Variants in LYPD8 observed in about 807,000 individuals in gnomAD.
The protein encoded by LYPD8 is LY6/PLAUR domain containing 8.
Under a neutral mutation model 1.7 loss-of-function variants are expected in LYPD8, and 8 were observed. That is an observed-to-expected ratio of 4.58 (90% CI 2.69 to 8.27). LYPD8 has a LOEUF of 8.27. LYPD8 is among the 30% of genes most tolerant of loss of function. The pLI, the probability that LYPD8 is intolerant of heterozygous loss-of-function variation, is 0.00. For missense variants in LYPD8, 112 were observed against 102.3 expected (o/e 1.09, Z -0.41); for synonymous variants, 50 against 43.6 (o/e 1.15, Z -0.58).
At chr1:248,751,192 C>T in intron 2 of LYPD8, 62 bp from the exon 3 acceptor site, 1 of 397,676 alleles carries the variant, frequency 2.5e-6, no homozygotes, top group South Asian at 1.3e-4. Context: ...TCCCCTGGGG[C>T]TTTTAATCGC....
At chr1:248,740,922 A>T (rs1302969050) in intron 6 of LYPD8, among the ~76,000 whole-genome samples, 2 of 152,236 alleles carry the variant, frequency 1.3e-5, no homozygotes, top group Admixed American at 6.5e-5. Flanking sequence ...TGAGGCCAGG[A>T]GTTTGAGACC....
chr1:248,744,124 T>C (rs997220097), intron 6 of LYPD8, among the ~76,000 whole-genome samples: 1 of 152,214 alleles, frequency 6.6e-6, no homozygotes, highest in Non-Finnish European at 1.5e-5. Context: ...GATCACAAGG[T>C]TTGAGAACTA....
intron 2 of LYPD8, among the ~76,000 whole-genome samples, chr1:248,753,012 TAC>T (rs1662843888): frequency 7.8e-5 from 2 of 25,480 alleles, no homozygotes; most frequent in East Asian, 1.4e-3. Context: ...CACCACATCA[TAC>T]ACACACCACA....
intron 2 of LYPD8, among the ~76,000 whole-genome samples, chr1:248,753,123 A>ACC (rs1662850322): frequency 1.4e-5 from 1 of 70,644 alleles, no homozygotes; most frequent in Non-Finnish European, 3.1e-5. Flanking sequence ...CAACACACAC[A>ACC]ACACAACACA....
intron 2 of LYPD8, among the ~76,000 whole-genome samples, chr1:248,753,069 C>CACATCA (rs1662847181): frequency 1.1e-5 from 1 of 93,090 alleles, no homozygotes; most frequent in South Asian, 4.0e-4. Flanking sequence ...CCCACACACC[C>CACATCA]CACACACCCC....
chr1:248,741,609 C>T (rs2103165624), intron 6 of LYPD8, among the ~76,000 whole-genome samples: 1 of 152,342 alleles, frequency 6.6e-6, no homozygotes, highest in South Asian at 2.1e-4. Flanking sequence ...AATACCCCTA[C>T]ATTTATGATA....
chr1:248,744,021 A>G (rs1662674946), intron 6 of LYPD8, among the ~76,000 whole-genome samples: 2 of 152,244 alleles, frequency 1.3e-5, no homozygotes, highest in African/African-American at 4.8e-5. Context: ...AATTTCTAAG[A>G]CAGTGTATAC....
chr1:248,751,569 G>C (rs1041080532), intron 2 of LYPD8, among the ~76,000 whole-genome samples: 2 of 152,062 alleles, frequency 1.3e-5, no homozygotes, highest in African/African-American at 4.8e-5. Flanking sequence ...CACCACCACC[G>C]CAATAGGCAG....
At chr1:248,752,638 CCACACAA>C (rs1488998207) in intron 2 of LYPD8, among the ~76,000 whole-genome samples, 2 of 74,816 alleles carry the variant, frequency 2.7e-5, no homozygotes, top group African/African-American at 7.5e-5. Context: ...ACCACACACC[CCACACAA>C]CACACAACAC....
chr1:248,754,727 C>T (rs1662895227), intron 2 of LYPD8, among the ~76,000 whole-genome samples: 1 of 152,138 alleles, frequency 6.6e-6, no homozygotes, highest in East Asian at 1.9e-4. Flanking sequence ...GAGGCCCATA[C>T]ATGATGCCAA....
chr1:248,751,988 A>T (rs1392821701), intron 2 of LYPD8, among the ~76,000 whole-genome samples: 2 of 152,142 alleles, frequency 1.3e-5, no homozygotes, highest in African/African-American at 4.8e-5. Flanking sequence ...GAACTTCCAG[A>T]ATTCCAACTT....
In LYPD8 at chr1:248,751,070, G is replaced by GA. The variant is rs1379765098; in HGVS notation, c.11dup (p.Leu5ProfsTer22). The GA allele has an allele frequency of 5.0e-6, 2 of 398,522 alleles. No individual in the cohort carries two copies. Among genetic ancestry groups the GA allele is most frequent in the Non-Finnish European group, 8.8e-6 (2 of 226,068 alleles). The allele number at this position is 398,522 out of a possible 1,614,324, so 24.7% of individuals were successfully genotyped here. The stretch of plus-strand genomic sequence containing the variant: ...GCACTGCAGTGATACCAGCAACGAG[G>GA]ATGCCCTTCATGGTGCTGGAGCTGA... On this transcript the variant is annotated frameshift_variant, in exon 3 of 7. Coordinates refer to ENST00000590317, the MANE Select transcript of LYPD8 (RefSeq NM_001085474.2). LOFTEE classifies it high-confidence loss of function.
intron 4 of LYPD8, among the ~76,000 whole-genome samples, chr1:248,750,024 C>T (rs1662771822): frequency 6.6e-6 from 1 of 151,754 alleles, no homozygotes; most frequent in Non-Finnish European, 1.5e-5. Context: ...CTACTTTAAA[C>T]ATACATGAAG....
At chr1:248,749,252 A>C (rs2103170806) in intron 4 of LYPD8, among the ~76,000 whole-genome samples, 1 of 152,364 alleles carries the variant, frequency 6.6e-6, no homozygotes, top group Non-Finnish European at 1.5e-5. Context: ...CCTAACAGCA[A>C]AATGGGGGAT....
intron 2 of LYPD8, among the ~76,000 whole-genome samples, chr1:248,751,676 A>G (rs1662804807): frequency 6.6e-6 from 1 of 152,162 alleles, no homozygotes; most frequent in Admixed American, 6.5e-5. Context: ...TTAGCATCCT[A>G]AGAAAAATCA....
intron 2 of LYPD8, among the ~76,000 whole-genome samples, chr1:248,753,891 C>A (rs1474730273): frequency 2.0e-5 from 3 of 150,038 alleles, no homozygotes; most frequent in African/African-American, 7.4e-5. Context: ...ACACACACAC[C>A]ACACATCACA....
chr1:248,749,870 T>C (rs1662767803), intron 4 of LYPD8, among the ~76,000 whole-genome samples: 1 of 152,080 alleles, frequency 6.6e-6, no homozygotes, highest in South Asian at 2.1e-4. Context: ...TGTGTGTACA[T>C]GTATATTTAT....
At chr1:248,745,116 A>G (rs1208427377) in intron 6 of LYPD8, 26 bp downstream of exon 6, 3 of 398,358 alleles carry the variant, frequency 7.5e-6, no homozygotes, top group Non-Finnish European at 1.3e-5. Flanking sequence ...CAAGTCCCAT[A>G]GAGGAATTAG....
intron 2 of LYPD8, among the ~76,000 whole-genome samples, chr1:248,753,837 C>CAT (rs1662880057): frequency 8.4e-6 from 1 of 118,792 alleles, no homozygotes; most frequent in East Asian, 3.7e-4. Flanking sequence ...CATCACATGT[C>CAT]ACACACACAT....
Sources: gnomAD v4.1 joint callset for allele counts (sites outside exome capture counted in the v4.1 genomes callset) on GRCh38, gnomAD v4.1.1 for gene constraint, MANE v1.5 for transcripts, NCBI Gene and HGNC (gene_info 2026-07-23, HGNC 2026-07-21) for gene names.